TRIM5: variants seen among roughly 807,000 people sequenced by gnomAD.
TRIM5 encodes the protein tripartite motif containing 5.
In TRIM5, 31 loss-of-function variants were observed where a neutral mutation model predicts 35.6. That is an observed-to-expected ratio of 0.87 (90% CI 0.65 to 1.18). The LOEUF is 1.18. Ranked by LOEUF, TRIM5 falls within the 50% of genes most tolerant of loss-of-function variation. The pLI, the probability that TRIM5 is intolerant of heterozygous loss-of-function variation, is 0.00. For missense variants in TRIM5, 609 were observed against 591.6 expected (o/e 1.03, Z -0.31); for synonymous variants, 243 against 215.6 (o/e 1.13, Z -1.11).
At chr11:5,642,539 G>C in the TRIM5 span, 3 of 1,608,920 alleles carry the variant, frequency 1.9e-6, no homozygotes, top group Non-Finnish European at 2.5e-6. Flanking sequence ...TGTGGATGTG[G>C]GATTGTTGTG....
chr11:5,671,898 T>C (rs1851614505), intron 4 of TRIM5, among the ~76,000 whole-genome samples: 1 of 152,070 alleles, frequency 6.6e-6, no homozygotes, highest in South Asian at 2.1e-4. Context: ...CCAAGTTAAA[T>C]AACTAATATG....
the TRIM5 span, among the ~76,000 whole-genome samples, chr11:5,593,044 T>G: frequency 1.3e-5 from 2 of 152,144 alleles, no homozygotes; most frequent in African/African-American, 4.8e-5. Flanking sequence ...AGGTCCATGT[T>G]TGATGATCAG....
chr11:5,622,857 C>T, the TRIM5 span, among the ~76,000 whole-genome samples: 30 of 152,190 alleles, frequency 2.0e-4, no homozygotes, highest in Non-Finnish European at 3.8e-4. Context: ...CCATGACAGC[C>T]TCAGGAGGTC....
chr11:5,643,494 G>A, the TRIM5 span: 3 of 1,614,178 alleles, frequency 1.9e-6, no homozygotes, highest in Non-Finnish European at 2.5e-6. Context: ...TTTGTCCTCT[G>A]ATCCCGAGGT....
the TRIM5 span, chr11:5,634,869 G>T: frequency 6.2e-7 from 1 of 1,609,402 alleles, no homozygotes; most frequent in Non-Finnish European, 8.5e-7. Flanking sequence ...CAGGTAAGAA[G>T]GTTCGCTCAA....
the TRIM5 span, among the ~76,000 whole-genome samples, chr11:5,638,640 G>A: frequency 7.9e-5 from 12 of 152,374 alleles, no homozygotes; most frequent in South Asian, 1.7e-3. Context: ...CAGGGACTGA[G>A]TGAATATTGA....
the TRIM5 span, among the ~76,000 whole-genome samples, chr11:5,628,658 C>A: frequency 2.6e-5 from 4 of 152,310 alleles, no homozygotes; most frequent in Middle Eastern, 6.8e-3. Context: ...CATCACAGAT[C>A]TTTCTTTCAC....
chr11:5,614,088 G>A, the TRIM5 span, among the ~76,000 whole-genome samples: 1 of 152,168 alleles, frequency 6.6e-6, no homozygotes, highest in South Asian at 2.1e-4. Flanking sequence ...CTTTTCTTGA[G>A]GGGTTATGGG....
the TRIM5 span, chr11:5,589,106 T>G: frequency 6.6e-6 from 1 of 152,024 alleles, no homozygotes; most frequent in African/African-American, 2.4e-5. Context: ...ATCATACCTA[T>G]CTCAGACAAT....
the TRIM5 span, among the ~76,000 whole-genome samples, chr11:5,636,455 A>G: frequency 6.6e-6 from 1 of 152,234 alleles, no homozygotes; most frequent in Non-Finnish European, 1.5e-5. Context: ...CGGTTGCACT[A>G]CATCGTGAAT....
In TRIM5 at chr11:5,664,732, A is replaced by T; in HGVS notation, c.*77T>A. The T allele has an allele frequency of 8.0e-6, 12 of 1,496,932 alleles. No individual in the cohort carries two copies. The highest frequency in any genetic ancestry group is 1.1e-5 in the Non-Finnish European group (12 of 1,127,236). The allele number at this position is 1,496,932 out of a possible 1,614,324, so 92.7% of individuals were successfully genotyped here. A position where few individuals can be genotyped will look rare whatever the true frequency, so the allele number is the denominator to read the frequency against. ...CAGCAAGGAAAAGATGGTTAAAATG[A>T]TGCAAATGAGTTCAGGTGTATGAGA... On this transcript the variant is annotated 3_prime_UTR_variant, in exon 8 of 8. Transcript: ENST00000380034.
chr11:5,653,950 A>C, the TRIM5 span, among the ~76,000 whole-genome samples: 49 of 151,990 alleles, frequency 3.2e-4, no homozygotes, highest in Admixed American at 3.1e-3. Flanking sequence ...AATGCTCTAG[A>C]GTGTATATTT....
chr11:5,668,611 G>A (rs183489485), intron 4 of TRIM5, among the ~76,000 whole-genome samples: 8 of 151,882 alleles, frequency 5.3e-5, no homozygotes, highest in Middle Eastern at 3.4e-3. Context: ...CATAATGCCC[G>A]GCTATTTTTT....
intron 1 of TRIM5, among the ~76,000 whole-genome samples, chr11:5,681,682 G>C (rs749728990): frequency 5.1e-5 from 7 of 136,304 alleles, no homozygotes; most frequent in Non-Finnish European, 1.1e-4. Context: ...GGTCCTAATC[G>C]ATTCCTTCGT....
chr11:5,654,378 A>C, the TRIM5 span, among the ~76,000 whole-genome samples: 5 of 152,208 alleles, frequency 3.3e-5, no homozygotes, highest in Admixed American at 1.3e-4. Context: ...CTGGGTAGGC[A>C]CAGTGGTATA....
At chr11:5,610,852 T>A in the TRIM5 span, 1 of 1,614,184 alleles carries the variant, frequency 6.2e-7, no homozygotes, top group Non-Finnish European at 8.5e-7. Flanking sequence ...GTGAGGTTTG[T>A]GGGAGCTAAA....
the TRIM5 span, among the ~76,000 whole-genome samples, chr11:5,645,328 G>T: frequency 2.0e-5 from 3 of 148,838 alleles, no homozygotes; most frequent in Non-Finnish European, 3.0e-5. Context: ...GGAGGCGGAG[G>T]TTGCAGTGAG....
the TRIM5 span, chr11:5,608,458 CA>C: frequency 6.2e-7 from 1 of 1,603,142 alleles, no homozygotes; most frequent in Non-Finnish European, 8.5e-7. Context: ...TACCCATGAT[CA>C]GTGGGAAAGG....
the TRIM5 span, among the ~76,000 whole-genome samples, chr11:5,597,425 A>G: frequency 6.6e-6 from 1 of 152,218 alleles, no homozygotes; most frequent in Non-Finnish European, 1.5e-5. Flanking sequence ...ATTCTTTTGA[A>G]GTGGAAATTA....
Sources: gnomAD v4.1 joint callset for allele counts (sites outside exome capture counted in the v4.1 genomes callset) on GRCh38, gnomAD v4.1.1 for gene constraint, MANE v1.5 for transcripts, NCBI Gene and HGNC (gene_info 2026-07-23, HGNC 2026-07-21) for gene names.